NEK1: variants seen among roughly 807,000 people sequenced by gnomAD.
NEK1 encodes the protein NIMA related kinase 1.
A neutral mutation model predicts 182.1 loss-of-function variants in NEK1; 137 were observed. That is an observed-to-expected ratio of 0.75 (90% CI 0.65 to 0.87). The LOEUF (loss-of-function observed/expected upper bound fraction) is 0.87, where lower values mean the gene tolerates loss of function less well. Ranked by LOEUF, NEK1 falls within the 40% of genes least tolerant of loss-of-function variation. NEK1 has a pLI of 0.00. For missense variants in NEK1, 1,391 were observed against 1,494.4 expected (o/e 0.93, Z 1.14); for synonymous variants, 513 against 492.2 (o/e 1.04, Z -0.56).
chr4:169,610,419 T>C (rs1168309994), intron 2 of NEK1, among the ~76,000 whole-genome samples: 2 of 152,034 alleles, frequency 1.3e-5, no homozygotes, highest in African/African-American at 4.8e-5. Context: ...GTTCAAGCAA[T>C]TATCCTGTGT....
chr4:169,561,377 A>G, intron 16 of NEK1, 103 bp downstream of exon 16: 2 of 953,470 alleles, frequency 2.1e-6, no homozygotes, highest in Non-Finnish European at 3.3e-6. Flanking sequence ...AATTAATTGT[A>G]CACTAAAGAA....
At chr4:169,453,489 G>T (rs1406851990) in intron 27 of NEK1, among the ~76,000 whole-genome samples, 1 of 152,186 alleles carries the variant, frequency 6.6e-6, no homozygotes. Flanking sequence ...CAAAATCTCT[G>T]CAGCACTGTG....
chr4:169,415,400 A>C (rs147228453), intron 31 of NEK1, among the ~76,000 whole-genome samples: 279 of 152,348 alleles, frequency 1.8e-3, no homozygotes, highest in African/African-American at 6.6e-3. Flanking sequence ...CAGAGGGAAG[A>C]AGCAAGGAAA....
rs138379906 is a variant in NEK1 at position 169,558,091 on chromosome 4, G to A, written c.1267-1996C>T. ...AATGTACATCTGAAGTCAAGAATCAGAATTCAGTTATAAGGTGGTCATATT... is the reference window on the plus strand; with the variant it reads ...AATGTACATCTGAAGTCAAGAATCAAAATTCAGTTATAAGGTGGTCATATT... On this transcript the variant is annotated intron_variant, in intron 16 of 35. Coordinates refer to ENST00000507142, the MANE Select transcript of NEK1 (RefSeq NM_001199397.3). 2.5e-3 allele frequency among the ~76,000 whole-genome samples: 373 copies of A among 152,244 alleles called. 1 individual carries two copies. The highest frequency in any genetic ancestry group is 4.0e-3 in the Non-Finnish European group (275 of 68,016).
intron 12 of NEK1, among the ~76,000 whole-genome samples, chr4:169,569,643 C>T (rs1446766416): frequency 6.6e-6 from 1 of 152,124 alleles, no homozygotes; most frequent in East Asian, 1.9e-4. Flanking sequence ...AGGCGCGCGC[C>T]ACCACGCCTG....
At chr4:169,506,684 T>A (rs1753304644) in intron 23 of NEK1, 1 of 153,446 alleles carries the variant, frequency 6.5e-6, no homozygotes. Context: ...ACCCAGGAGG[T>A]GGAGCCGAGA....
intron 26 of NEK1, among the ~76,000 whole-genome samples, chr4:169,474,124 G>A (rs1314827601): frequency 6.6e-6 from 1 of 151,922 alleles, no homozygotes; most frequent in African/African-American, 2.4e-5. Context: ...AAAGAGGGAA[G>A]GGGAAGAGTA....
chr4:169,403,871 C>CA lies in NEK1; in HGVS notation c.3375-2012dup, dbSNP rs1006165929. The stretch of plus-strand genomic sequence containing the variant: ...TATAAAATCTTGACTAAAGTTTAGA[C>CA]AAAAAAAAATAATAATAATTTTCCA... On this transcript the variant is annotated intron_variant, in intron 32 of 35. Transcript: ENST00000507142. Among the ~76,000 whole-genome samples, 38 of 148,156 alleles carry CA rather than the reference C, an allele frequency of 2.6e-4. 1 individual carries two copies. Among genetic ancestry groups the CA allele is most frequent in the African/African-American group, 6.7e-4 (27 of 40,178 alleles).
chr4:169,457,688 G>C (rs990288633), intron 27 of NEK1, among the ~76,000 whole-genome samples: 1 of 120,320 alleles, frequency 8.3e-6, no homozygotes, highest in Non-Finnish European at 1.7e-5. Context: ...AGGAAGGAGA[G>C]AAAGAAGGGG....
chr4:169,544,599 G>GTTTTTTTTTT (rs139478702), intron 18 of NEK1, among the ~76,000 whole-genome samples: 7 of 66,302 alleles, frequency 1.1e-4, no homozygotes, highest in African/African-American at 2.8e-4. Flanking sequence ...TCTGGTCATG[G>GTTTTTTTTTT]TTTTTTTTTT....
At chr4:169,489,601 C>A (rs1169703005) in intron 23 of NEK1, among the ~76,000 whole-genome samples, 1 of 152,120 alleles carries the variant, frequency 6.6e-6, no homozygotes, top group East Asian at 1.9e-4. Context: ...TGTACCCAGC[C>A]TCACAAAGTC....
intron 16 of NEK1, 22 bp downstream of exon 16, chr4:169,561,458 C>G (rs1333188642): frequency 1.2e-6 from 2 of 1,602,870 alleles, no homozygotes; most frequent in African/African-American, 1.3e-5. Flanking sequence ...GTAGTATAAC[C>G]ATATTGGTAT....
At chr4:169,603,430 A>G (rs1581098324) in intron 2 of NEK1, among the ~76,000 whole-genome samples, 1 of 152,318 alleles carries the variant, frequency 6.6e-6, no homozygotes, top group Non-Finnish European at 1.5e-5. Context: ...TTTATCACTT[A>G]TTTGTTATGT....
intron 4 of NEK1, among the ~76,000 whole-genome samples, chr4:169,599,421 T>C (rs577412800): frequency 1.3e-5 from 2 of 152,344 alleles, no homozygotes; most frequent in East Asian, 1.9e-4. Context: ...AAAAATACAC[T>C]ATTTTATTGA....
chr4:169,596,127 T>G (rs372259340), intron 5 of NEK1, among the ~76,000 whole-genome samples: 1 of 151,988 alleles, frequency 6.6e-6, no homozygotes, highest in African/African-American at 2.4e-5. Flanking sequence ...CAGGTGAAAT[T>G]TGGTAGAGAA....
Position 169,599,148 on chromosome 4 carries a change from C to T in NEK1, c.264G>A (p.Leu88=), listed in dbSNP as rs780568580. 20 of 1,613,380 alleles carry T rather than the reference C, an allele frequency of 1.2e-5. No homozygotes were observed. Among genetic ancestry groups the T allele is most frequent in the Non-Finnish European group, 1.7e-5 (20 of 1,179,728 alleles). The change falls in exon 5 of 36, where the codon CTG becomes CTA. Residue 88 remains leucine, a synonymous_variant. Transcript: ENST00000507142. The stretch of plus-strand genomic sequence containing the variant: ...CTTTCTGAGCATTTATTCGCTTAAA[C>T]AGATCCCCTCCCTCACAGTAATCCA... ...IVMDYCEGGD[L]FKRINAQKGV...
chr4:169,399,188 T>G (rs1731218171), intron 35 of NEK1, among the ~76,000 whole-genome samples: 1 of 152,020 alleles, frequency 6.6e-6, no homozygotes, highest in South Asian at 2.1e-4. Flanking sequence ...GAGGTTGCAG[T>G]GAGCTGAGAC....
intron 28 of NEK1, among the ~76,000 whole-genome samples, chr4:169,434,202 G>GTTTTTTTTTTTTTTTTTTTTT (rs70964203): frequency 1.2e-5 from 1 of 81,904 alleles, no homozygotes; most frequent in African/African-American, 4.2e-5. Context: ...CACTCAAATA[G>GTTTTTTTTTTTTTTTTTTTTT]TTTTTTTTTT....
chr4:169,490,815 GA>G (rs1749918205), intron 23 of NEK1, among the ~76,000 whole-genome samples: 2 of 152,160 alleles, frequency 1.3e-5, no homozygotes, highest in South Asian at 4.2e-4. Flanking sequence ...GGAACACCAT[GA>G]AAGGAACAAA....
Sources: allele counts gnomAD v4.1 joint callset (sites outside exome capture counted in the v4.1 genomes callset), GRCh38; gene constraint gnomAD v4.1.1; transcripts MANE v1.5; gene names NCBI Gene and HGNC (gene_info 2026-07-23, HGNC 2026-07-21).